LGR6: variants seen among roughly 807,000 people sequenced by gnomAD.
The protein encoded by LGR6 is leucine-rich repeat-containing G protein-coupled receptor 6.
A neutral mutation model predicts 69.4 loss-of-function variants in LGR6; 45 were observed. The observed-to-expected ratio is 0.65, with a 90% CI of 0.51 to 0.83. The LOEUF (loss-of-function observed/expected upper bound fraction) is 0.83, where lower values mean the gene tolerates loss of function less well. LGR6 is among the 40% of genes least tolerant of loss of function. LGR6 has a pLI of 0.00. For missense variants in LGR6, 1,108 were observed against 1,246.7 expected, an observed-to-expected ratio of 0.89 and a Z score of 1.68; for synonymous variants, 538 against 555.0, an observed-to-expected ratio of 0.97 and a Z score of 0.43.
At chr1:202,236,330 C>A in intron 4 of LGR6, 1 of 327,458 alleles carries the variant, frequency 3.1e-6, no homozygotes, top group South Asian at 4.5e-5. Flanking sequence ...GGGGTGGAGA[C>A]TGCCGCCCAA....
chr1:202,281,742 T>TA (rs1266689597), intron 6 of LGR6, among the ~76,000 whole-genome samples: 8 of 151,892 alleles, frequency 5.3e-5, no homozygotes, highest in Non-Finnish European at 8.8e-5. Flanking sequence ...CAGTTTCTCT[T>TA]ACCCCCCACT....
intron 10 of LGR6, 21 bp from the exon 11 acceptor site, chr1:202,304,538 C>T (rs370741611): frequency 5.0e-6 from 8 of 1,587,228 alleles, no homozygotes; most frequent in Non-Finnish European, 6.9e-6. Flanking sequence ...GGTGCCAGCT[C>T]TGTCTCTGTT....
intron 6 of LGR6, among the ~76,000 whole-genome samples, chr1:202,293,368 C>T (rs1409502169): frequency 6.6e-6 from 1 of 152,228 alleles, no homozygotes; most frequent in African/African-American, 2.4e-5. Context: ...TGTCACATTT[C>T]CATGAAGCCC....
chr1:202,301,567 G>T (rs1239720469), intron 9 of LGR6, among the ~76,000 whole-genome samples: 3 of 152,202 alleles, frequency 2.0e-5, no homozygotes, highest in African/African-American at 7.2e-5. Context: ...TGGGAGTTTT[G>T]AATATGGTGG....
intron 1 of LGR6, among the ~76,000 whole-genome samples, chr1:202,212,213 A>G (rs58320062): frequency 0.35 from 53,823 of 151,924 alleles, 9,830 homozygotes; most frequent in Non-Finnish European, 0.41. Context: ...GAGTAGATCC[A>G]AGGGAGTCTC....
Position 202,194,708 on chromosome 1 carries a change from G to GT in LGR6, c.212+507_212+508insT, listed in dbSNP as rs1571797907. 7.2e-6 allele frequency: 2 copies of GT among 277,038 alleles called. 1 individual carries two copies. Among genetic ancestry groups the GT allele is most frequent in the Non-Finnish European group, 1.5e-5 (2 of 137,294 alleles). 17.2% of individuals were successfully genotyped at this position (277,038 alleles called of 1,614,324 possible). A position where few individuals can be genotyped will look rare whatever the true frequency, so the allele number is the denominator to read the frequency against. On this transcript the variant is annotated intron_variant, in intron 1 of 17. Transcript: ENST00000367278. ...GGCTGGGTGGCCTTCGTGGGGGCGG[G>GT]GGGGGCGGGTTTCCTAGAAGCTGGG...
At chr1:202,257,620 A>G (rs919549923) in intron 4 of LGR6, among the ~76,000 whole-genome samples, 9 of 152,088 alleles carry the variant, frequency 5.9e-5, no homozygotes, top group African/African-American at 2.2e-4. Context: ...TTGATCATCA[A>G]TTGCCCATAA....
chr1:202,235,990 C>T lies in LGR6; in HGVS notation c.425C>T (p.Ser142Leu), dbSNP rs748544384. Residue 142 changes from serine to leucine, a missense_variant, in exon 4 of 18, where the codon TCG (serine) becomes TTG (leucine). Coordinates refer to ENST00000367278, the MANE Select transcript of LGR6 (RefSeq NM_001017403.2). ...EALWELPSLQ[S>L]LRLDANLISL... ...CTGTGGGAGCTGCCGAGCCTGCAGTCGCTGTGAGTCATTAGAGGGCTGGTC... is the reference window on the plus strand; with the variant it reads ...CTGTGGGAGCTGCCGAGCCTGCAGTTGCTGTGAGTCATTAGAGGGCTGGTC... 3 of 1,613,554 alleles carry T rather than the reference C, an allele frequency of 1.9e-6. No homozygotes were observed. Among genetic ancestry groups the T allele is most frequent in the Admixed American group, 1.7e-5 (1 of 60,026 alleles).
intron 1 of LGR6, among the ~76,000 whole-genome samples, chr1:202,217,782 C>T (rs1176376300): frequency 6.6e-6 from 1 of 152,172 alleles, no homozygotes; most frequent in African/African-American, 2.4e-5. Flanking sequence ...ATTCCTTTTA[C>T]CAACAAGGGA....
intron 16 of LGR6, 127 bp downstream of exon 16, chr1:202,310,484 G>A: frequency 2.3e-6 from 2 of 869,244 alleles, no homozygotes; most frequent in Non-Finnish European, 3.5e-6. Flanking sequence ...AGAGGTGGGA[G>A]GAGCTGCCTG....
At chr1:202,237,770 G>A (rs543094168) in intron 4 of LGR6, among the ~76,000 whole-genome samples, 1 of 152,288 alleles carries the variant, frequency 6.6e-6, no homozygotes, top group South Asian at 2.1e-4. Flanking sequence ...TTATAAGGCA[G>A]ATGAGAAGAT....
chr1:202,222,711 CCT>C (rs1468418440), intron 1 of LGR6, among the ~76,000 whole-genome samples: 3 of 152,168 alleles, frequency 2.0e-5, no homozygotes, highest in Non-Finnish European at 2.9e-5. Flanking sequence ...CCTACGTTCC[CCT>C]GACACTGTCC....
intron 4 of LGR6, 169 bp from the exon 5 acceptor site, chr1:202,276,137 A>C (rs374088594): frequency 3.2e-5 from 19 of 592,420 alleles, no homozygotes; most frequent in African/African-American, 2.4e-4. Context: ...ATGGAGCCAA[A>C]TATGGGAACT....
intron 6 of LGR6, among the ~76,000 whole-genome samples, chr1:202,297,154 G>T (rs1320343907): frequency 6.6e-6 from 1 of 152,100 alleles, no homozygotes; most frequent in Non-Finnish European, 1.5e-5. Flanking sequence ...AGATGTTAAC[G>T]ATCACCCACT....
chr1:202,312,968 C>T (rs1653860624), intron 16 of LGR6, among the ~76,000 whole-genome samples: 1 of 152,140 alleles, frequency 6.6e-6, no homozygotes, highest in Non-Finnish European at 1.5e-5. Context: ...GTGGCTCACG[C>T]CTGTAATCCC....
chr1:202,284,137 C>T (rs1666227257), intron 6 of LGR6, among the ~76,000 whole-genome samples: 1 of 152,194 alleles, frequency 6.6e-6, no homozygotes, highest in African/African-American at 2.4e-5. Context: ...ACCCGCCCCA[C>T]CCCCTTCCTA....
chr1:202,231,377 C>A (rs1014554597), intron 3 of LGR6, among the ~76,000 whole-genome samples: 3 of 152,188 alleles, frequency 2.0e-5, no homozygotes, highest in Non-Finnish European at 2.9e-5. Context: ...CCTCACCAAC[C>A]TGGCTCGGGG....
At chr1:202,301,504 T>C (rs1221069649) in intron 9 of LGR6, among the ~76,000 whole-genome samples, 1 of 152,234 alleles carries the variant, frequency 6.6e-6, no homozygotes, top group African/African-American at 2.4e-5. Flanking sequence ...TCAAGGACTT[T>C]CATCTGGCCT....
Position 202,318,790 on chromosome 1 carries a change from C to G in LGR6, c.2487C>G (p.Leu829=), listed in dbSNP as rs1156596194. 6.2e-7 allele frequency: 1 copy of G among 1,613,750 alleles called. No homozygotes were observed. Among genetic ancestry groups the G allele is most frequent in the Admixed American group, 1.7e-5 (1 of 60,022 alleles). Residue 829 remains leucine (L), a synonymous_variant, in exon 18 of 18, where the codon CTC becomes CTG. Transcript: ENST00000367278. ...PACLNPLLYL[L]FNPHFRDDLR... ...GCCTCAACCCACTGCTGTACCTGCT[C>G]TTCAACCCCCACTTCCGGGATGACC... is the stretch of plus-strand genomic sequence containing the variant.
Sources: gnomAD v4.1 joint callset for allele counts (sites outside exome capture counted in the v4.1 genomes callset) on GRCh38, gnomAD v4.1.1 for gene constraint, MANE v1.5 for transcripts, NCBI Gene and HGNC (gene_info 2026-07-23, HGNC 2026-07-21) for gene names.